Variants in DCHS2 observed in about 807,000 individuals in gnomAD.
DCHS2 encodes the protein dachsous cadherin-related 2.
Under a neutral mutation model 182.4 loss-of-function variants are expected in DCHS2, and 142 were observed. The ratio of observed to expected loss-of-function variants is 0.78; its 90% CI spans 0.68 to 0.89. DCHS2 has a LOEUF of 0.89. DCHS2 is among the 40% of genes least tolerant of loss of function. DCHS2 has a pLI of 0.00. For synonymous variants in DCHS2, 1,740 were observed against 1,663.3 expected (o/e 1.05, Z -1.12); for missense variants, 4,319 against 4,198.6 (o/e 1.03, Z -0.79).
intron 1 of DCHS2, among the ~76,000 whole-genome samples, chr4:154,400,905 C>A (rs1215269583): frequency 1.3e-5 from 2 of 152,184 alleles, no homozygotes; most frequent in Non-Finnish European, 2.9e-5. Context: ...CTCAGCCAAG[C>A]CTTTTCTCAT....
chr4:154,251,495 C>T (rs1732357685), intron 16 of DCHS2, among the ~76,000 whole-genome samples: 1 of 152,058 alleles, frequency 6.6e-6, no homozygotes, highest in Non-Finnish European at 1.5e-5. Context: ...GTGCCTTCTG[C>T]CATATATCTT....
At chr4:154,331,202 C>T (rs1736506969) in intron 5 of DCHS2, among the ~76,000 whole-genome samples, 1 of 152,134 alleles carries the variant, frequency 6.6e-6, no homozygotes, top group Non-Finnish European at 1.5e-5. Context: ...CTCTTTACCC[C>T]TCAAAGCATG....
intron 1 of DCHS2, among the ~76,000 whole-genome samples, chr4:154,377,993 C>T (rs1730990973): frequency 6.6e-6 from 1 of 152,102 alleles, no homozygotes; most frequent in South Asian, 2.1e-4. Flanking sequence ...GTCTCCCTGG[C>T]CAGCTTTCCT....
chr4:154,486,786 G>A (rs1423209626), intron 1 of DCHS2, among the ~76,000 whole-genome samples: 2 of 152,184 alleles, frequency 1.3e-5, no homozygotes, highest in East Asian at 1.9e-4. Context: ...TAGCTGCCTT[G>A]GAGAGGCCAC....
Position 154,298,297 on chromosome 4 carries a change from C to A in DCHS2, c.6017G>T (p.Ser2006Ile), listed in dbSNP as rs527886455. Residue 2006 changes from serine to isoleucine, a missense_variant, in exon 13 of 20, where the codon AGT (serine) becomes ATT (isoleucine). By Grantham distance (142) the Ser-to-Ile change is moderately radical. Transcript: ENST00000357232. The part of the protein sequence containing the change: ...DREARSQHTF[S>I]AVARDCSIQG... ...GATGCTACAGTCTCTGGCCACAGCA[C>A]TAAATGTATGCTGAGATCTGGCTTC... 3 of 1,614,192 alleles carry A rather than the reference C, an allele frequency of 1.9e-6. No individual in the cohort carries two copies. In the Admixed American group the frequency reaches 5.0e-5, roughly 27 times the overall value.
At chr4:154,237,453 C>G (rs1044190555) in intron 19 of DCHS2, 1 of 236,024 alleles carries the variant, frequency 4.2e-6, no homozygotes, top group Non-Finnish European at 7.9e-6. Context: ...TAAGTTGTTC[C>G]ACTATTCTTA....
Position 154,447,098 on chromosome 4 carries a change from C to G in DCHS2, c.2052+42206G>C, listed in dbSNP as rs57189877. ...CTTAAGGTCAGGAGTTCGAGACCAG[C>G]CTGAACAACACGGCGAAACCCCATC... On this transcript the variant is annotated intron_variant, in intron 1 of 19. Transcript: ENST00000357232. Among the ~76,000 whole-genome samples, 489 of 152,152 alleles carry G rather than the reference C, an allele frequency of 3.2e-3. 4 individuals are homozygous for G. The highest frequency in any genetic ancestry group is 0.011 in the African/African-American group (464 of 41,496).
chr4:154,292,188 A>G (rs1427586119), intron 13 of DCHS2, among the ~76,000 whole-genome samples: 1 of 152,214 alleles, frequency 6.6e-6, no homozygotes. Context: ...AGTGCTATAA[A>G]TCACAAATAC....
intron 3 of DCHS2, among the ~76,000 whole-genome samples, chr4:154,361,596 A>C (rs1730125229): frequency 6.6e-6 from 1 of 152,102 alleles, no homozygotes; most frequent in Admixed American, 6.6e-5. Flanking sequence ...GTGAACTAAG[A>C]ATAAGAGAAA....
chr4:154,273,140 T>C (rs2111212805), intron 13 of DCHS2, among the ~76,000 whole-genome samples: 1 of 152,256 alleles, frequency 6.6e-6, no homozygotes, highest in East Asian at 1.9e-4. Flanking sequence ...AAAAGATACC[T>C]GTGTATGCGT....
chr4:154,340,712 A>T (rs1423471917), intron 3 of DCHS2, among the ~76,000 whole-genome samples: 3 of 152,232 alleles, frequency 2.0e-5, no homozygotes, highest in African/African-American at 7.2e-5. Context: ...CCATATTATG[A>T]GTTATCAAAT....
chr4:154,392,692 C>T (rs9307922), intron 1 of DCHS2, among the ~76,000 whole-genome samples: 91,277 of 151,956 alleles, frequency 0.6, 27,889 homozygotes, highest in Middle Eastern at 0.67. Flanking sequence ...TGGGATGCAC[C>T]GTTTTGTATA....
chr4:154,384,857 A>G (rs1238596840), intron 1 of DCHS2, among the ~76,000 whole-genome samples: 3 of 152,124 alleles, frequency 2.0e-5, no homozygotes, highest in Non-Finnish European at 4.4e-5. Context: ...GCAGACTTCT[A>G]GTCTCCAGAA....
At chr4:154,351,236 C>T (rs746093697) in intron 3 of DCHS2, among the ~76,000 whole-genome samples, 2 of 152,112 alleles carry the variant, frequency 1.3e-5, no homozygotes, top group Admixed American at 6.5e-5. Flanking sequence ...AAAAGATGGT[C>T]CTTTTGTCAG....
At chr4:154,416,751 C>T (rs1262423306) in intron 1 of DCHS2, among the ~76,000 whole-genome samples, 2 of 152,196 alleles carry the variant, frequency 1.3e-5, no homozygotes, top group African/African-American at 4.8e-5. Flanking sequence ...AGCACGGTTT[C>T]CCCGGTGCTG....
chr4:154,482,778 A>C (rs1735971269), intron 1 of DCHS2, among the ~76,000 whole-genome samples: 1 of 152,158 alleles, frequency 6.6e-6, no homozygotes, highest in African/African-American at 2.4e-5. Context: ...TGATGTGGAC[A>C]AAGAAAAATC....
At position 154,490,881 on chromosome 4, in the gene DCHS2, C is replaced by A; in HGVS notation, c.475G>T (p.Asp159Tyr). The change falls in exon 1 of 20, where the codon GAC becomes TAC. Residue 159 changes from aspartate (D) to tyrosine (Y), a missense_variant. Transcript: ENST00000357232. ...AVVQVEIRVN[D>Y]VNDHSPRFPL... ...AAGCGGGGCGAGTGGTCATTCACGT[C>A]GTTGACGCGAATCTCCACCTGCACC... The A allele has an allele frequency of 1.3e-6, 2 of 1,551,450 alleles. No individual in the cohort carries two copies. The highest frequency in any genetic ancestry group is 1.7e-6 in the Non-Finnish European group (2 of 1,146,928).
intron 13 of DCHS2, among the ~76,000 whole-genome samples, chr4:154,275,760 T>G (rs1733827838): frequency 6.6e-6 from 1 of 152,056 alleles, no homozygotes; most frequent in East Asian, 1.9e-4. Context: ...TTTTCATGGG[T>G]TAGAATGCTT....
chr4:154,296,242 A>C (rs1396199148), intron 13 of DCHS2, among the ~76,000 whole-genome samples: 2 of 152,200 alleles, frequency 1.3e-5, no homozygotes, highest in African/African-American at 4.8e-5. Flanking sequence ...TGAGTTAAAC[A>C]TCGTGGGCAA....
Sources: allele counts gnomAD v4.1 joint callset (sites outside exome capture counted in the v4.1 genomes callset), GRCh38; gene constraint gnomAD v4.1.1; transcripts MANE v1.5; gene names NCBI Gene and HGNC (gene_info 2026-07-23, HGNC 2026-07-21).